FIBCD1: variants seen among roughly 807,000 people sequenced by gnomAD.
The protein encoded by FIBCD1 is fibrinogen C domain containing 1, also known as fibrinogen C domain-containing protein 1.
Under a neutral mutation model 45.1 loss-of-function variants are expected in FIBCD1, and 47 were observed. The ratio of observed to expected loss-of-function variants is 1.04; its 90% CI spans 0.82 to 1.33. FIBCD1 has a LOEUF of 1.33. Ranked by LOEUF, FIBCD1 falls within the 40% of genes most tolerant of loss-of-function variation. The probability of loss-of-function intolerance (pLI) is 0.00; values close to 1 mark genes in which losing one functional copy is unlikely to be tolerated. For synonymous variants in FIBCD1, 313 were observed against 308.1 expected, an observed-to-expected ratio of 1.02 and a Z score of -0.17; for missense variants, 653 against 682.2, an observed-to-expected ratio of 0.96 and a Z score of 0.48.
At position 130,939,133 on chromosome 9, in the gene FIBCD1, C is replaced by A. The variant is rs1402415779; in HGVS notation, c.-526G>T. 1 of 152,132 alleles carries A rather than the reference C, an allele frequency of 6.6e-6. No individual in the cohort carries two copies. Among genetic ancestry groups the A allele is most frequent in the African/African-American group, 2.4e-5 (1 of 41,432 alleles). The allele number at this position is 152,132 out of a possible 1,614,324, so 9.4% of individuals were successfully genotyped here. On this transcript the variant is annotated 5_prime_UTR_variant, in exon 1 of 7. Transcript: ENST00000372338. ...AGGGCAGCAAACAGCCGCGGGCGGCCCGGCTCCTGCTGGCTCCCGGAGGGG... is the reference window on the plus strand; with the variant it reads ...AGGGCAGCAAACAGCCGCGGGCGGCACGGCTCCTGCTGGCTCCCGGAGGGG...
In FIBCD1 at chr9:130,905,310, G is replaced by A. The variant is rs747883677; in HGVS notation, c.1050C>T (p.Phe350=). 1.4e-5 allele frequency: 22 copies of A among 1,613,902 alleles called. No homozygotes were observed. Among genetic ancestry groups the A allele is most frequent in the Non-Finnish European group, 1.8e-5 (21 of 1,180,016 alleles). ...GGTCCACGGAGAACAAGCCCACGCC[G>A]AAGCTCCCGTAGCGGGCATAGGCCG... ...NGTAYARYGS[F]GVGLFSVDPE... is the part of the protein sequence containing the mutation. The change falls in exon 6 of 7, where the codon TTC becomes TTT. Residue 350 remains phenylalanine (F), a synonymous_variant. Transcript: ENST00000372338.
chr9:130,916,312 T>G (rs920667290), intron 4 of FIBCD1, among the ~76,000 whole-genome samples: 1 of 152,252 alleles, frequency 6.6e-6, no homozygotes, highest in Non-Finnish European at 1.5e-5. Context: ...TTCAGTTGAT[T>G]TTGCCAGTGA....
chr9:130,915,577 C>G (rs1017456525), intron 4 of FIBCD1, among the ~76,000 whole-genome samples: 4 of 152,150 alleles, frequency 2.6e-5, no homozygotes, highest in African/African-American at 9.7e-5. Flanking sequence ...GTGGCAGGTG[C>G]CTGTAGTCCC....
chr9:130,924,328 C>T lies in FIBCD1; in HGVS notation c.621G>A (p.Leu207=), dbSNP rs1188606166. The T allele has an allele frequency of 1.9e-6, 3 of 1,607,920 alleles. No individual in the cohort carries two copies. Among genetic ancestry groups the T allele is most frequent in the South Asian group, 1.1e-5 (1 of 89,534 alleles). ...GCCGGCCCAGCCCCCGGTCCCTCTG[C>T]AGGGCATCCAGGATGTCGCTGACGG... ...VNSVSDILDA[L]QRDRGLGRPR... Residue 207 remains leucine (L), a synonymous_variant, in exon 3 of 7, where the codon CTG becomes CTA. Coordinates refer to ENST00000372338, the MANE Select transcript of FIBCD1 (RefSeq NM_032843.5).
chr9:130,914,460 C>G (rs1832120693), intron 4 of FIBCD1, among the ~76,000 whole-genome samples: 1 of 152,198 alleles, frequency 6.6e-6, no homozygotes, highest in African/African-American at 2.4e-5. Context: ...GCAGGGTGGC[C>G]CTGGAGGAGG....
At chr9:130,912,837 C>G (rs1350249413) in intron 4 of FIBCD1, among the ~76,000 whole-genome samples, 1 of 151,496 alleles carries the variant, frequency 6.6e-6, no homozygotes, top group Admixed American at 6.6e-5. Context: ...TTTTCCAGGT[C>G]AAAACAAAAC....
At chr9:130,910,385 C>T (rs549360532) in intron 5 of FIBCD1, among the ~76,000 whole-genome samples, 18 of 152,344 alleles carry the variant, frequency 1.2e-4, no homozygotes, top group African/African-American at 4.1e-4. Context: ...ACCTGCAGCC[C>T]GCCATGCCTG....
At chr9:130,940,420 TGGCTG>T (rs1178190799), upstream of FIBCD1, among the ~76,000 whole-genome samples, 1 of 152,246 alleles carries the variant, frequency 6.6e-6, no homozygotes, top group African/African-American at 2.4e-5. Context: ...CCCACAGCAA[TGGCTG>T]GGAGTCAGGA....
rs1200689842 is a variant in FIBCD1, at chr9:130,911,896, G to A, written c.850-8C>T. On this transcript the variant is annotated splice_region_variant and splice_polypyrimidine_tract_variant and intron_variant, in intron 4 of 6. Transcript: ENST00000372338. Reference sequence around the variant, plus strand: ...CTCCCGGCGCTGAAACACCTGCAAAGGGAAGATGGGGATGGGGCGTTGGCA... The same window carrying A: ...CTCCCGGCGCTGAAACACCTGCAAAAGGAAGATGGGGATGGGGCGTTGGCA... 2 of 1,564,480 alleles carry A rather than the reference G, an allele frequency of 1.3e-6. No homozygotes were observed. Among genetic ancestry groups the A allele is most frequent in the South Asian group, 1.2e-5 (1 of 85,036 alleles).
In FIBCD1 at chr9:130,938,976, C is replaced by T. The variant is rs1044113296; in HGVS notation, c.-369G>A. On this transcript the variant is annotated 5_prime_UTR_variant, in exon 1 of 7. Coordinates refer to ENST00000372338, the MANE Select transcript of FIBCD1 (RefSeq NM_032843.5). ...CGGACTCTCTTTGCTTTTTATTGCT[C>T]CCCTCGGCCTCCCCCGACACACTCA... 6.6e-6 allele frequency: 1 copy of T among 152,234 alleles called. No individual in the cohort carries two copies. Among genetic ancestry groups the T allele is most frequent in the African/African-American group, 2.4e-5 (1 of 41,432 alleles). 9.4% of individuals were successfully genotyped at this position (152,234 alleles called of 1,614,324 possible).
intron 4 of FIBCD1, among the ~76,000 whole-genome samples, chr9:130,913,622 G>A (rs928444617): frequency 2.0e-5 from 3 of 152,216 alleles, no homozygotes; most frequent in African/African-American, 7.2e-5. Context: ...AGGAGTGACC[G>A]GCTCGGGGTG....
intron 1 of FIBCD1, among the ~76,000 whole-genome samples, chr9:130,933,247 C>T (rs572227106): frequency 6.6e-5 from 10 of 152,208 alleles, no homozygotes; most frequent in Non-Finnish European, 1.0e-4. Context: ...ACGTGCCTTG[C>T]GAAGAAATCT....
chr9:130,904,274 A>G lies in FIBCD1; in HGVS notation c.1176T>C (p.Arg392=). Residue 392 remains arginine (R), a synonymous_variant, in exon 7 of 7, where the codon CGT becomes CGC. Transcript: ENST00000372338. ...AGTTGTTCTCTGAATGGTCGCTGTC[A>G]CGGTCCTTGGTGGTGAACCTCATGC... The part of the protein sequence containing the change: ...HSGMRFTTKD[R]DSDHSENNCA... 6.2e-7 allele frequency: 1 copy of G among 1,613,420 alleles called. No individual in the cohort carries two copies. Among genetic ancestry groups the G allele is most frequent in the East Asian group, 2.2e-5 (1 of 44,838 alleles).
chr9:130,929,756 C>T lies in FIBCD1; in HGVS notation c.363G>A (p.Glu121=). 6.4e-7 allele frequency: 1 copy of T among 1,563,650 alleles called. No individual in the cohort carries two copies. Among genetic ancestry groups the T allele is most frequent in the Non-Finnish European group, 8.7e-7 (1 of 1,154,332 alleles). The change falls in exon 2 of 7, where the codon GAG becomes GAA. Residue 121 remains glutamate (E), a synonymous_variant. Coordinates refer to ENST00000372338, the MANE Select transcript of FIBCD1 (RefSeq NM_032843.5). ...AQASVLQALT[E]HQAQPRLVGD... is the part of the protein sequence containing the mutation. ...CCACCAGCCGTGGCTGGGCCTGGTG[C>T]TCTGTCAGCGCCTGCAGCACCGAGG... is the stretch of plus-strand genomic sequence containing the variant.
In FIBCD1 at chr9:130,929,594, C is replaced by T. The variant is rs145142379; in HGVS notation, c.525G>A (p.Leu175=). The part of the protein sequence containing the change: ...HGTLGQGLSA[L]QSEQGRLIQL... ...GGATGAGGCGGCCCTGCTCACTCTG[C>T]AGGGCGCTGAGGCCCTGGCCCAGCG... Residue 175 remains leucine, a synonymous_variant, in exon 2 of 7, where the codon CTG becomes CTA. Transcript: ENST00000372338. The T allele has an allele frequency of 3.8e-5, 58 of 1,514,370 alleles. No individual in the cohort carries two copies. In the African/African-American group the frequency reaches 7.6e-4, roughly 20 times the overall value. 93.8% of individuals were successfully genotyped at this position (1,514,370 alleles called of 1,614,324 possible). A position where few individuals can be genotyped will look rare whatever the true frequency, so the allele number is the denominator to read the frequency against.
chr9:130,939,475 C>T (rs1009742295), upstream of FIBCD1, among the ~76,000 whole-genome samples: 3 of 152,092 alleles, frequency 2.0e-5, no homozygotes, highest in Non-Finnish European at 2.9e-5. Context: ...GACCCCGACG[C>T]GTGAGCCTGG....
chr9:130,930,101 G>A, intron 1 of FIBCD1, 55 bp from the exon 2 acceptor site: 1 of 1,471,186 alleles, frequency 6.8e-7, no homozygotes, highest in Non-Finnish European at 8.9e-7. Context: ...AGAGAGAAGG[G>A]GCCAGCATTA....
chr9:130,926,345 A>T lies in FIBCD1; in HGVS notation c.553-1949T>A, dbSNP rs1021179768. On this transcript the variant is annotated intron_variant, in intron 2 of 6. Transcript: ENST00000372338. This position sits in a 1 kb window ranked among gnomAD's most constrained non-coding sequence, Gnocchi z 4.1. ...TAAAGTTGAAAATGTACATATAAAC[A>T]TGCCCCGAATTAATGGGGAAGTGAG... 1.3e-5 allele frequency among the ~76,000 whole-genome samples: 2 copies of T among 152,236 alleles called. No homozygotes were observed. The highest frequency in any genetic ancestry group is 2.9e-5 in the Non-Finnish European group (2 of 68,040).
chr9:130,936,350 G>GC (rs1271282088), intron 1 of FIBCD1: 1 of 152,254 alleles, frequency 6.6e-6, no homozygotes, highest in Non-Finnish European at 1.5e-5. Context: ...CACAGGAAAG[G>GC]CCTTGCCTCT....
Sources: allele counts gnomAD v4.1 joint callset (sites outside exome capture counted in the v4.1 genomes callset), GRCh38; gene constraint gnomAD v4.1.1; non-coding constraint Gnocchi (gnomAD v3.1); transcripts MANE v1.5; gene names NCBI Gene and HGNC (gene_info 2026-07-23, HGNC 2026-07-21).